The following PUM2 variants were observed in gnomAD, a reference collection of about 807,000 sequenced individuals.
The protein encoded by PUM2 is pumilio RNA binding family member 2, also known as pumilio homolog 2.
Under a neutral mutation model 124.5 loss-of-function variants are expected in PUM2, and 57 were observed. The ratio of observed to expected loss-of-function variants is 0.46; its 90% CI spans 0.37 to 0.57. PUM2 has a LOEUF of 0.57. Ranked by LOEUF, PUM2 falls within the 20% of genes least tolerant of loss-of-function variation. The probability of loss-of-function intolerance (pLI) is 0.00; values close to 1 mark genes in which losing one functional copy is unlikely to be tolerated. For synonymous variants in PUM2, 460 were observed against 446.1 expected, an observed-to-expected ratio of 1.03 and a Z score of -0.39; for missense variants, 1,065 against 1,290.6, an observed-to-expected ratio of 0.83 and a Z score of 2.68.
Position 20,264,923 on chromosome 2 carries a change from T to C in PUM2, c.1958-1463A>G, listed in dbSNP as rs146599371. Among the ~76,000 whole-genome samples, 414 of 152,264 alleles carry C rather than the reference T, an allele frequency of 2.7e-3. 3 individuals carry two copies. Among genetic ancestry groups the C allele is most frequent in the Admixed American group, 8.3e-3 (127 of 15,294 alleles). Reference sequence around the variant, plus strand: ...CCCTACTGTCCTAGCTTTACTTTTTTTCATTGAACTTCCTATTACATAGCA... The same window carrying C: ...CCCTACTGTCCTAGCTTTACTTTTTCTCATTGAACTTCCTATTACATAGCA... On this transcript the variant is annotated intron_variant, in intron 13 of 20. Transcript: ENST00000361078.
intron 8 of PUM2, among the ~76,000 whole-genome samples, chr2:20,295,575 T>C (rs957742270): frequency 3.3e-5 from 5 of 151,790 alleles, no homozygotes; most frequent in African/African-American, 1.2e-4. Flanking sequence ...AAAAGATACA[T>C]TGTAAAAATA....
chr2:20,258,054 C>T (rs1210695929), intron 16 of PUM2, among the ~76,000 whole-genome samples, 189 bp downstream of exon 16: 1 of 152,158 alleles, frequency 6.6e-6, no homozygotes, highest in Admixed American at 6.6e-5. Flanking sequence ...AAAATATCTT[C>T]ATTTAGAAAT....
intron 14 of PUM2, among the ~76,000 whole-genome samples, chr2:20,262,367 G>A (rs756895755): frequency 1.3e-5 from 2 of 152,050 alleles, no homozygotes; most frequent in Admixed American, 6.5e-5. Context: ...TTTATTATGC[G>A]TAGGTATACA....
At chr2:20,282,024 T>C (rs923067363) in intron 12 of PUM2, among the ~76,000 whole-genome samples, 1 of 152,240 alleles carries the variant, frequency 6.6e-6, no homozygotes, top group Non-Finnish European at 1.5e-5. Flanking sequence ...CAGAAACAGA[T>C]ATTAAGGACT....
chr2:20,265,093 CAA>C (rs1007742665), intron 13 of PUM2, among the ~76,000 whole-genome samples: 1 of 150,736 alleles, frequency 6.6e-6, no homozygotes, highest in Non-Finnish European at 1.5e-5. Context: ...ACTAAAAATA[CAA>C]AAAAAAATTA....
At chr2:20,329,591 G>A (rs931927376) in intron 1 of PUM2, among the ~76,000 whole-genome samples, 2 of 152,186 alleles carry the variant, frequency 1.3e-5, no homozygotes, top group South Asian at 4.1e-4. Flanking sequence ...TGACAGATTG[G>A]TACTAGAGCA....
At chr2:20,272,882 A>G (rs1432871958) in intron 13 of PUM2, among the ~76,000 whole-genome samples, 1 of 152,180 alleles carries the variant, frequency 6.6e-6, no homozygotes, top group East Asian at 1.9e-4. Context: ...TGCTGGATCC[A>G]TTCCTAGATA....
At chr2:20,285,126 A>C (rs1227159477) in intron 10 of PUM2, among the ~76,000 whole-genome samples, 1 of 152,240 alleles carries the variant, frequency 6.6e-6, no homozygotes, top group East Asian at 1.9e-4. Context: ...ACAGCACTTA[A>C]CTGCTCCTTA....
intron 1 of PUM2, among the ~76,000 whole-genome samples, chr2:20,338,249 T>C (rs1031908234): frequency 1.3e-5 from 2 of 151,936 alleles, no homozygotes; most frequent in African/African-American, 4.8e-5. Context: ...ACACAAAAAT[T>C]AGCCGGGTAT....
At chr2:20,344,999 A>G (rs1366822678) in intron 1 of PUM2, among the ~76,000 whole-genome samples, 1 of 149,124 alleles carries the variant, frequency 6.7e-6, no homozygotes, top group Non-Finnish European at 1.5e-5. Flanking sequence ...AAAAAAAAAA[A>G]AAAAAGAAAA....
chr2:20,305,283 G>A lies in PUM2; in HGVS notation c.883+2695C>T, dbSNP rs532410809. Among the ~76,000 whole-genome samples, 6 of 151,866 alleles carry A rather than the reference G, an allele frequency of 4.0e-5. No homozygotes were observed. In the South Asian group the frequency reaches 8.3e-4, roughly 21 times the overall value. The stretch of plus-strand genomic sequence containing the variant: ...GTGGATTACTTGAGCCCAGGAGTTC[G>A]AGACCAGCCTGGACAATAGGGTGAA... On this transcript the variant is annotated intron_variant, in intron 7 of 20. Coordinates refer to ENST00000361078, the MANE Select transcript of PUM2 (RefSeq NM_015317.5).
At position 20,311,554 on chromosome 2, in the gene PUM2, T is replaced by C; in HGVS notation, c.458A>G (p.Asp153Gly). The change falls in exon 5 of 21, where the codon GAT (aspartate) becomes GGT (glycine). Residue 153 changes from aspartate to glycine, a missense_variant. Asp to Gly is a moderately conservative substitution (Grantham distance 94, BLOSUM62 -1). Transcript: ENST00000361078. ...NRDLKQGDDD[D>G]SKINGRGLPN... is the part of the protein sequence containing the mutation. ...CAAACCTCTGCCATTTATTTTAGAA[T>C]CATCATCATCTCCTTGTTTAAGATC... 1.9e-6 allele frequency: 3 copies of C among 1,613,304 alleles called. No homozygotes were observed. In the South Asian group the frequency reaches 3.3e-5, roughly 18 times the overall value.
chr2:20,300,575 T>C (rs1676734355), intron 7 of PUM2, among the ~76,000 whole-genome samples: 1 of 152,164 alleles, frequency 6.6e-6, no homozygotes, highest in African/African-American at 2.4e-5. Context: ...ATGAGTTCAA[T>C]AAAATCCTTT....
chr2:20,317,075 T>C (rs1177129815), intron 3 of PUM2, among the ~76,000 whole-genome samples: 1 of 151,926 alleles, frequency 6.6e-6, no homozygotes, highest in Non-Finnish European at 1.5e-5. Flanking sequence ...TGTGAGCCTG[T>C]AGTCCTAGCT....
intron 1 of PUM2, among the ~76,000 whole-genome samples, chr2:20,337,127 G>A (rs1339656781): frequency 1.3e-5 from 2 of 151,918 alleles, no homozygotes; most frequent in Non-Finnish European, 2.9e-5. Flanking sequence ...TTTTGAAGCG[G>A]GGGAAGCAGA....
At chr2:20,288,471 A>G (rs1166524317) in intron 10 of PUM2, among the ~76,000 whole-genome samples, 1 of 152,262 alleles carries the variant, frequency 6.6e-6, no homozygotes, top group Non-Finnish European at 1.5e-5. Context: ...ATAAATTTTG[A>G]CAAATAGTCC....
intron 1 of PUM2, among the ~76,000 whole-genome samples, chr2:20,336,931 T>A (rs1361989851): frequency 6.6e-6 from 1 of 151,948 alleles, no homozygotes; most frequent in Non-Finnish European, 1.5e-5. Flanking sequence ...CTAGTATTCC[T>A]AAATTATTTT....
At chr2:20,347,760 T>A (rs1457072925) in intron 1 of PUM2, among the ~76,000 whole-genome samples, 4 of 152,188 alleles carry the variant, frequency 2.6e-5, no homozygotes, top group Non-Finnish European at 5.9e-5. Context: ...CTAGGCCAAG[T>A]GGGCTTCCAA....
chr2:20,313,705 C>T (rs1680201085), intron 3 of PUM2, among the ~76,000 whole-genome samples: 1 of 151,674 alleles, frequency 6.6e-6, no homozygotes, highest in African/African-American at 2.4e-5. Flanking sequence ...CAGCACAGGT[C>T]TGTAGTCCCA....
Sources: gnomAD v4.1 joint callset for allele counts (sites outside exome capture counted in the v4.1 genomes callset) on GRCh38, gnomAD v4.1.1 for gene constraint, MANE v1.5 for transcripts, NCBI Gene and HGNC (gene_info 2026-07-23, HGNC 2026-07-21) for gene names.